The following PARVA variants were observed in gnomAD, a reference collection of about 807,000 sequenced individuals.
PARVA encodes parvin alpha, also known as alpha-parvin.
Under a neutral mutation model 52.6 loss-of-function variants are expected in PARVA, and 25 were observed. That is an observed-to-expected ratio of 0.48 (90% CI 0.35 to 0.66). The LOEUF (loss-of-function observed/expected upper bound fraction) is 0.66. Ranked by LOEUF, PARVA falls within the 30% of genes least tolerant of loss-of-function variation. PARVA has a pLI of 0.01. For missense variants in PARVA, 373 were observed against 450.9 expected (o/e 0.83, Z 1.56); for synonymous variants, 185 against 179.1 (o/e 1.03, Z -0.26).
intron 5 of PARVA, among the ~76,000 whole-genome samples, chr11:12,500,437 T>C (rs1270155080): frequency 6.6e-6 from 1 of 152,120 alleles, no homozygotes; most frequent in East Asian, 1.9e-4. Flanking sequence ...TGTTCAACAG[T>C]GGGTAGAATC....
Position 12,528,001 on chromosome 11 carries a change from C to A in PARVA, c.*76C>A, listed in dbSNP as rs990665254. ...TGGACCCTCCTCCGAACTGCCTTAC[C>A]CTGCTTATTCCTGTCTCTTGCACTG... On this transcript the variant is annotated 3_prime_UTR_variant, in exon 13 of 13. Coordinates refer to ENST00000334956, the MANE Select transcript of PARVA (RefSeq NM_018222.5). The A allele has an allele frequency of 1.6e-5, 15 of 962,020 alleles. No individual in the cohort carries two copies. The highest frequency in any genetic ancestry group is 2.6e-5 in the Non-Finnish European group (15 of 587,074). 59.6% of individuals were successfully genotyped at this position (962,020 alleles called of 1,614,324 possible).
chr11:12,499,290 G>A (rs1047072486), intron 5 of PARVA, among the ~76,000 whole-genome samples: 3 of 152,130 alleles, frequency 2.0e-5, no homozygotes, highest in Non-Finnish European at 4.4e-5. Context: ...CTCAGCTCCT[G>A]GGGGAAAAGC....
intron 1 of PARVA, among the ~76,000 whole-genome samples, chr11:12,416,169 A>T (rs536749297): frequency 6.6e-6 from 1 of 152,318 alleles, no homozygotes; most frequent in South Asian, 2.1e-4. Flanking sequence ...CCGTAGAATA[A>T]TTTTGGCCAT....
intron 1 of PARVA, among the ~76,000 whole-genome samples, chr11:12,416,780 A>AG (rs1470699542): frequency 6.8e-6 from 1 of 147,646 alleles, no homozygotes; most frequent in Non-Finnish European, 1.5e-5. Flanking sequence ...AAAGAAGGGA[A>AG]GAGGAGGGAG....
At chr11:12,513,216 G>A in intron 8 of PARVA, 83 bp from the exon 9 acceptor site, 1 of 1,105,572 alleles carries the variant, frequency 9.0e-7, no homozygotes, top group South Asian at 1.2e-5. Flanking sequence ...GACCTTGAGA[G>A]GCGCGTGGCT....
intron 1 of PARVA, among the ~76,000 whole-genome samples, chr11:12,440,082 A>T (rs537292396): frequency 2.6e-5 from 4 of 152,180 alleles, no homozygotes; most frequent in Non-Finnish European, 5.9e-5. Flanking sequence ...GCAGGATGGC[A>T]TCTTGTTTAT....
Position 12,533,906 on chromosome 11 carries a change from C to T in PARVA, c.*5981C>T, listed in dbSNP as rs964444814. ...TCCATGGGCCGAGCACGGTGGCTCA[C>T]ACCTGTAATCCCAGCACTTTGGGAG... On this transcript the variant is annotated 3_prime_UTR_variant, in exon 13 of 13. Transcript: ENST00000334956. Among the ~76,000 whole-genome samples, 2 of 151,972 alleles carry T rather than the reference C, an allele frequency of 1.3e-5. No individual in the cohort carries two copies. The highest frequency in any genetic ancestry group is 1.3e-4 in the Admixed American group (2 of 15,246).
Position 12,517,653 on chromosome 11 carries a change from A to G in PARVA, c.911A>G (p.Glu304Gly). ...CTGGTGCTGCTCATGGGGCTCCTGG[A>G]GGGCTACTTTGTGCCCCTGCACAGC... ...VYLVLLMGLL[E>G]GYFVPLHSFF... The change falls in exon 11 of 13, where the codon GAG (glutamate) becomes GGG (glycine). Residue 304 changes from glutamate to glycine, a missense_variant. Transcript: ENST00000334956. The G allele has an allele frequency of 6.2e-7, 1 of 1,605,812 alleles. No homozygotes were observed. The highest frequency in any genetic ancestry group is 8.5e-7 in the Non-Finnish European group (1 of 1,176,060).
intron 10 of PARVA, among the ~76,000 whole-genome samples, chr11:12,515,990 A>C (rs2403633): frequency 0.85 from 130,005 of 152,202 alleles, 55,915 homozygotes; most frequent in Middle Eastern, 0.94. Context: ...GCATGCACCA[A>C]CATACCCGGT....
Position 12,490,471 on chromosome 11 carries a change from C to G in PARVA, c.401-5987C>G, listed in dbSNP as rs559273341. On this transcript the variant is annotated intron_variant, in intron 4 of 12. Coordinates refer to ENST00000334956, the MANE Select transcript of PARVA (RefSeq NM_018222.5). Reference sequence around the variant, plus strand: ...GGTGGAGGTTGCAGTGAGCAGAGATCGAGCCACTGCACTCCAGCCTGGGTG... The same window carrying G: ...GGTGGAGGTTGCAGTGAGCAGAGATGGAGCCACTGCACTCCAGCCTGGGTG... 6.0e-5 allele frequency among the ~76,000 whole-genome samples: 9 copies of G among 149,456 alleles called. No individual in the cohort carries two copies. In the South Asian group the frequency reaches 1.9e-3, roughly 32 times the overall value.
intron 1 of PARVA, among the ~76,000 whole-genome samples, chr11:12,408,377 A>G (rs1012495560): frequency 4.6e-5 from 7 of 152,154 alleles, no homozygotes; most frequent in South Asian, 2.1e-4. Context: ...GCTGCAGACC[A>G]TACCTAGTGA....
At chr11:12,513,059 C>A (rs1941521959) in intron 8 of PARVA, 1 of 670,742 alleles carries the variant, frequency 1.5e-6, no homozygotes, top group Admixed American at 2.1e-5. Context: ...AGCCCTGAGC[C>A]TGCCCCAATC....
chr11:12,377,651 G>C lies in PARVA; in HGVS notation c.4G>C (p.Ala2Pro). ...CCGCGGCAGCCTGCGCCGCGCCATG[G>C]CCACCTCCCCGCAGAAGTCGCCTTC... M[A>P]TSPQKSPSVP... The change falls in exon 1 of 13, where the codon GCC (alanine) becomes CCC (proline). Residue 2 changes from alanine to proline, a missense_variant. Coordinates refer to ENST00000334956, the MANE Select transcript of PARVA (RefSeq NM_018222.5). 6.4e-7 allele frequency: 1 copy of C among 1,569,142 alleles called. No homozygotes were observed. The highest frequency in any genetic ancestry group is 1.4e-5 in the African/African-American group (1 of 70,490).
At chr11:12,513,883 G>A in intron 9 of PARVA, 114 bp from the exon 10 acceptor site, 1 of 930,296 alleles carries the variant, frequency 1.1e-6, no homozygotes, top group East Asian at 2.6e-5. Flanking sequence ...TCTTGGCTGG[G>A]CCTGATCCTC....
chr11:12,518,641 C>T (rs1233010781), intron 12 of PARVA, 124 bp downstream of exon 12: 12 of 728,016 alleles, frequency 1.6e-5, no homozygotes, highest in Middle Eastern at 2.5e-4. Context: ...AGGTGGGACT[C>T]GGTGCAGCTG....
chr11:12,489,679 A>T (rs992669426), intron 4 of PARVA, among the ~76,000 whole-genome samples: 5 of 152,240 alleles, frequency 3.3e-5, no homozygotes, highest in Admixed American at 6.5e-5. Flanking sequence ...ATCTACACCT[A>T]CACATTTTAC....
chr11:12,496,340 T>C, intron 4 of PARVA, 118 bp from the exon 5 acceptor site: 1 of 394,062 alleles, frequency 2.5e-6, no homozygotes, highest in Non-Finnish European at 3.8e-6. Context: ...GTATCTATTG[T>C]TGCAAGAGTG....
chr11:12,378,497 C>T (rs1387708853), intron 1 of PARVA, among the ~76,000 whole-genome samples: 1 of 151,870 alleles, frequency 6.6e-6, no homozygotes. Context: ...CATGGGCCTG[C>T]TGTGAACTCA....
chr11:12,477,800 A>G (rs60416797), intron 3 of PARVA, 47 bp from the exon 4 acceptor site: 1 of 982,196 alleles, frequency 1.0e-6, no homozygotes, highest in Non-Finnish European at 1.7e-6. Context: ...AAAATACCCC[A>G]TAACTCTTTT....
Sources: allele counts gnomAD v4.1 joint callset (sites outside exome capture counted in the v4.1 genomes callset), GRCh38; gene constraint gnomAD v4.1.1; transcripts MANE v1.5; gene names NCBI Gene and HGNC (gene_info 2026-07-23, HGNC 2026-07-21).